IQCH: variants seen among roughly 807,000 people sequenced by gnomAD.
IQCH encodes IQ motif containing H.
In IQCH, 98 loss-of-function variants were observed where a neutral mutation model predicts 117.0. That is an observed-to-expected ratio of 0.84 (90% confidence interval 0.71 to 0.99). The LOEUF is 0.99. Ranked by LOEUF, IQCH falls within the 50% of genes least tolerant of loss-of-function variation. The pLI is 0.00. For missense variants in IQCH, 1,102 were observed against 1,243.8 expected, an observed-to-expected ratio of 0.89 and a Z score of 1.72; for synonymous variants, 412 against 448.2, an observed-to-expected ratio of 0.92 and a Z score of 1.02.
rs566046307 is a variant in IQCH at position 67,491,458 on chromosome 15, C to A, written c.2861+1394C>A. ...TGGCTACAATTTAATCTGGCACTTA[C>A]AGTCTCAGATGCTTCCCATCACCTG... On this transcript the variant is annotated intron_variant, in intron 19 of 20. Coordinates refer to ENST00000335894, the MANE Select transcript of IQCH (RefSeq NM_001031715.3). The surrounding 1 kb of genome is among the most constrained non-coding windows in gnomAD (Gnocchi z 4.9). Among the ~76,000 whole-genome samples the A allele has an allele frequency of 6.6e-6, 1 of 152,302 alleles. No individual in the cohort carries two copies. Among genetic ancestry groups the A allele is most frequent in the African/African-American group, 2.4e-5 (1 of 41,558 alleles).
intron 4 of IQCH, among the ~76,000 whole-genome samples, chr15:67,282,796 A>G (rs929558713): frequency 2.0e-5 from 3 of 152,192 alleles, no homozygotes; most frequent in East Asian, 1.9e-4. Context: ...TCTCTCACCA[A>G]AAGTGGATAG....
In IQCH at chr15:67,475,725, G is replaced by C; in HGVS notation, c.2706G>C (p.Met902Ile). The C allele has an allele frequency of 6.2e-7, 1 of 1,613,952 alleles. No individual in the cohort carries two copies. Among genetic ancestry groups the C allele is most frequent in the Non-Finnish European group, 8.5e-7 (1 of 1,179,860 alleles). Residue 902 changes from methionine (M) to isoleucine (I), a missense_variant, in exon 18 of 21, where the codon ATG becomes ATC. This residue lies in a region of IQCH where 650 missense variants were observed against 794.3 expected (regional missense o/e 0.82). Transcript: ENST00000335894. The surrounding 1 kb of genome is among the most constrained non-coding windows in gnomAD (Gnocchi z 5.7). ...TGGCAACCAGTCGCTATGCAGTGATGACCACCCAGCTAAGACACAGCAATC... is the reference window on the plus strand; with the variant it reads ...TGGCAACCAGTCGCTATGCAGTGATCACCACCCAGCTAAGACACAGCAATC... ...PMLATSRYAV[M>I]TTQLRHSNLS...
chr15:67,357,667 G>A (rs1316221907), intron 7 of IQCH, among the ~76,000 whole-genome samples: 2 of 152,072 alleles, frequency 1.3e-5, no homozygotes, highest in African/African-American at 4.8e-5. Flanking sequence ...TAAATGACTG[G>A]CTCAGCCTCT....
At chr15:67,480,249 T>C (rs2083308697) in intron 18 of IQCH, among the ~76,000 whole-genome samples, 1 of 152,192 alleles carries the variant, frequency 6.6e-6, no homozygotes, top group Admixed American at 6.5e-5. Context: ...AACGAAACTG[T>C]ATTTCCTCAG....
chr15:67,257,373 T>G (rs1300936138), intron 1 of IQCH, among the ~76,000 whole-genome samples: 3 of 152,218 alleles, frequency 2.0e-5, no homozygotes, highest in Non-Finnish European at 4.4e-5. Context: ...AGAGGTACTT[T>G]AAATTTCTAC....
At chr15:67,358,824 T>G (rs1970020546) in intron 7 of IQCH, among the ~76,000 whole-genome samples, 1 of 152,264 alleles carries the variant, frequency 6.6e-6, no homozygotes, top group Non-Finnish European at 1.5e-5. Context: ...GACTTTTATC[T>G]TTCAATATTG....
chr15:67,318,827 C>A (rs1253265660), intron 4 of IQCH, among the ~76,000 whole-genome samples: 1 of 152,130 alleles, frequency 6.6e-6, no homozygotes, highest in Non-Finnish European at 1.5e-5. Flanking sequence ...AGTCACTTGG[C>A]TAATGATTTA....
intron 16 of IQCH, among the ~76,000 whole-genome samples, chr15:67,462,405 GCGA>G (rs1471136158): frequency 6.7e-6 from 1 of 150,248 alleles, no homozygotes; most frequent in Non-Finnish European, 1.5e-5. Context: ...TCCAGCCTGG[GCGA>G]CAGAGTGAGA....
intron 3 of IQCH, among the ~76,000 whole-genome samples, chr15:67,268,077 A>C (rs1965751049): frequency 6.6e-6 from 1 of 152,236 alleles, no homozygotes; most frequent in South Asian, 2.1e-4. Context: ...GATGAGGCTC[A>C]AGTCCTAATC....
At chr15:67,346,821 C>T (rs1969415768) in intron 6 of IQCH, among the ~76,000 whole-genome samples, 2 of 152,022 alleles carry the variant, frequency 1.3e-5, no homozygotes. Context: ...AAATATTAAC[C>T]AATTTAAAAT....
At chr15:67,289,981 G>A (rs1242216361) in intron 4 of IQCH, among the ~76,000 whole-genome samples, 4 of 152,008 alleles carry the variant, frequency 2.6e-5, no homozygotes, top group African/African-American at 4.8e-5. Flanking sequence ...TTGACATCAC[G>A]TGCAGCATCA....
chr15:67,442,973 C>G (rs917383405), intron 16 of IQCH, among the ~76,000 whole-genome samples: 5 of 150,978 alleles, frequency 3.3e-5, no homozygotes, highest in Non-Finnish European at 7.4e-5. Context: ...TTGTAGTCAC[C>G]TGGATGAGAC....
chr15:67,395,028 G>T lies in IQCH; in HGVS notation c.1633-263G>T, dbSNP rs1341338810. 6.6e-6 allele frequency among the ~76,000 whole-genome samples: 1 copy of T among 152,136 alleles called. No individual in the cohort carries two copies. The highest frequency in any genetic ancestry group is 2.4e-5 in the African/African-American group (1 of 41,416). On this transcript the variant is annotated intron_variant, in intron 12 of 20. Coordinates refer to ENST00000335894, the MANE Select transcript of IQCH (RefSeq NM_001031715.3). The surrounding 1 kb of genome is among the most constrained non-coding windows in gnomAD (Gnocchi z 4.0). ...CAGCCTCTTTTCCTTCTGACAGAAG[G>T]ATAATTCCACGTGGATCAAATAAAT...
chr15:67,270,844 A>G (rs1303044646), intron 3 of IQCH, among the ~76,000 whole-genome samples: 2 of 152,194 alleles, frequency 1.3e-5, no homozygotes, highest in South Asian at 4.1e-4. Flanking sequence ...AGAATAAGAC[A>G]AGGGATGCTG....
At chr15:67,352,639 A>C (rs150965319) in intron 6 of IQCH, among the ~76,000 whole-genome samples, 1 of 151,702 alleles carries the variant, frequency 6.6e-6, no homozygotes, top group Non-Finnish European at 1.5e-5. Context: ...CCTGTGGACT[A>C]TTGAGGAGTC....
intron 16 of IQCH, among the ~76,000 whole-genome samples, chr15:67,442,871 T>TAATATAC (rs1567193329): frequency 2.0e-5 from 2 of 98,538 alleles, no homozygotes; most frequent in African/African-American, 8.1e-5. Flanking sequence ...TAGATATACA[T>TAATATAC]ATATATATAT....
chr15:67,273,898 C>CT (rs772560191), intron 3 of IQCH, among the ~76,000 whole-genome samples: 1 of 152,174 alleles, frequency 6.6e-6, no homozygotes, highest in Non-Finnish European at 1.5e-5. Context: ...CTGGGAAAGA[C>CT]TTTATCTTAG....
At chr15:67,437,758 A>G (rs1049191023) in intron 16 of IQCH, among the ~76,000 whole-genome samples, 4 of 152,324 alleles carry the variant, frequency 2.6e-5, no homozygotes, top group South Asian at 2.1e-4. Context: ...AATGCTCTGG[A>G]AAGTCTCAGC....
At position 67,344,127 on chromosome 15, in the gene IQCH, A is replaced by G; in HGVS notation, c.573A>G (p.Pro191=). Residue 191 remains proline, a synonymous_variant, in exon 6 of 21, where the codon CCA becomes CCG. Coordinates refer to ENST00000335894, the MANE Select transcript of IQCH (RefSeq NM_001031715.3). ...CAGCAAGGATTACCTTTCAGAATCC[A>G]CCCATTACACCCAGAGCAGCTCCTC... is the stretch of plus-strand genomic sequence containing the variant. ...PPTARITFQN[P]PITPRAAPLH... is the part of the protein sequence containing the mutation. The G allele has an allele frequency of 6.2e-7, 1 of 1,613,596 alleles. No homozygotes were observed. Among genetic ancestry groups the G allele is most frequent in the East Asian group, 2.2e-5 (1 of 44,850 alleles).
Sources: allele counts gnomAD v4.1 joint callset (sites outside exome capture counted in the v4.1 genomes callset), GRCh38; gene constraint gnomAD v4.1.1; regional missense constraint gnomAD v4.1.1; non-coding constraint Gnocchi (gnomAD v3.1); transcripts MANE v1.5; gene names NCBI Gene and HGNC (gene_info 2026-07-23, HGNC 2026-07-21).